TSEN34: variants seen among roughly 807,000 people sequenced by gnomAD.
TSEN34 encodes the protein tRNA-splicing endonuclease subunit Sen34.
Under a neutral mutation model 30.2 loss-of-function variants are expected in TSEN34, and 25 were observed. The ratio of observed to expected loss-of-function variants is 0.83; its 90% CI spans 0.60 to 1.16. TSEN34 has a LOEUF of 1.16. TSEN34 is among the 50% of genes most tolerant of loss of function. The pLI is 0.00. For missense variants in TSEN34, 475 were observed against 411.9 expected (o/e 1.15, Z -1.33); for synonymous variants, 209 against 177.4 (o/e 1.18, Z -1.41).
Position 54,192,285 on chromosome 19 carries a change from G to A in TSEN34, c.657G>A (p.Leu219=). The A allele has an allele frequency of 6.2e-7, 1 of 1,614,142 alleles. No individual in the cohort carries two copies. The highest frequency in any genetic ancestry group is 1.3e-5 in the African/African-American group (1 of 75,040). The part of the protein sequence containing the change: ...WPHAGRPAHE[L]RYSIYRDLWE... The stretch of plus-strand genomic sequence containing the variant: ...ACGCCGGCCGCCCTGCCCACGAGCT[G>A]CGCTACAGTATCTACAGAGACCTGT... The change falls in exon 3 of 4, where the codon CTG becomes CTA. Residue 219 remains leucine, a synonymous_variant. Coordinates refer to ENST00000396388, the MANE Select transcript of TSEN34 (RefSeq NM_001077446.4).
rs549639546 is a variant in TSEN34, at chr19:54,194,465, CAT to C, written c.*1104_*1105del. ...ATTTGCACTTATGAAATCATTTACC[CAT>C]GTTTTTGCTTAAGAAAGTACTAGAA... is the stretch of plus-strand genomic sequence containing the variant. On this transcript the variant is annotated 3_prime_UTR_variant, in exon 4 of 4. Transcript: ENST00000396388. 2.8e-4 allele frequency: 42 copies of C among 152,214 alleles called. No homozygotes were observed. The highest frequency in any genetic ancestry group is 1.0e-3 in the African/African-American group (42 of 41,512). The allele number at this position is 152,214 out of a possible 1,614,324, so 9.4% of individuals were successfully genotyped here. A position where few individuals can be genotyped will look rare whatever the true frequency, so the allele number is the denominator to read the frequency against.
chr19:54,190,659 C>T (rs1383913126), upstream of TSEN34: 2 of 1,251,396 alleles, frequency 1.6e-6, no homozygotes, highest in Admixed American at 4.1e-5. Context: ...ACGGATTCGG[C>T]CGAGCCGAGA....
In TSEN34 at chr19:54,193,318, G is replaced by A. The variant is rs1452664520; in HGVS notation, c.889G>A (p.Gly297Ser). 1 of 1,614,040 alleles carries A rather than the reference G, an allele frequency of 6.2e-7. No homozygotes were observed. The highest frequency in any genetic ancestry group is 8.5e-7 in the Non-Finnish European group (1 of 1,180,044). The stretch of plus-strand genomic sequence containing the variant: ...GCTCCTCTGTTCTCCGCAGCCTGAT[G>A]GTAAGGTGGTCTACACCTCCCTGCA... ...TLLLCSPQPDGKVVYTSLQWA... is the reference protein window; with the variant it reads ...TLLLCSPQPDSKVVYTSLQWA... The change falls in exon 4 of 4, where the codon GGT becomes AGT. Residue 297 changes from glycine to serine, a missense_variant. Transcript: ENST00000396388.
upstream of TSEN34, chr19:54,190,529 G>A (rs144687839): frequency 2.9e-3 from 3,824 of 1,302,448 alleles, 28 homozygotes; most frequent in South Asian, 0.013. Flanking sequence ...GTCGTAGGGC[G>A]GGAACTCCCC....
Position 54,193,744 on chromosome 19 carries a change from A to AG in TSEN34, c.*384dup, listed in dbSNP as rs1408498303. The AG allele has an allele frequency of 1.1e-4, 80 of 713,780 alleles. No individual in the cohort carries two copies. The highest frequency in any genetic ancestry group is 9.1e-4 in the East Asian group (34 of 37,230). 44.2% of individuals were successfully genotyped at this position (713,780 alleles called of 1,614,324 possible). On this transcript the variant is annotated 3_prime_UTR_variant, in exon 4 of 4. Transcript: ENST00000396388. The stretch of plus-strand genomic sequence containing the variant: ...ATGTACAGGTGAGAAAAAGGCCTGG[A>AG]GGAGGGGGACTGACTTGCCCAAAGT...
chr19:54,190,523 T>C, upstream of TSEN34: 1 of 1,311,848 alleles, frequency 7.6e-7, no homozygotes, highest in South Asian at 1.9e-5. Context: ...GGTTCGGTCG[T>C]AGGGCGGGAA....
At chr19:54,191,276 C>A (rs940389075), upstream of TSEN34, 2 of 1,529,912 alleles carry the variant, frequency 1.3e-6, no homozygotes, top group Non-Finnish European at 1.8e-6. Flanking sequence ...GGGGCTTCGC[C>A]GAGACCCCGG....
rs1298385148 is a variant in TSEN34, at chr19:54,191,317, C to T, written c.-48C>T. On this transcript the variant is annotated 5_prime_UTR_variant, in exon 1 of 4. Coordinates refer to ENST00000396388, the MANE Select transcript of TSEN34 (RefSeq NM_001077446.4). ...TTGGGTGCGCTGCAGCGGTCCGCGGCGCGCAGCTGTTTCGGTAACTGCTTT... is the reference window on the plus strand; with the variant it reads ...TTGGGTGCGCTGCAGCGGTCCGCGGTGCGCAGCTGTTTCGGTAACTGCTTT... 1 of 1,547,378 alleles carries T rather than the reference C, an allele frequency of 6.5e-7. No homozygotes were observed. The highest frequency in any genetic ancestry group is 8.7e-7 in the Non-Finnish European group (1 of 1,146,078).
At position 54,191,518 on chromosome 19, in the gene TSEN34, C is replaced by A; in HGVS notation, c.154C>A (p.Leu52Met). ...QNSRLGLPLL[L>M]MPEEARLLAE... The stretch of plus-strand genomic sequence containing the variant: ...CTCGCGCCTGGGCCTCCCGCTGCTG[C>A]TGATGCCCGAAGAGGCGCGGCTCTT... Residue 52 changes from leucine to methionine, a missense_variant, in exon 1 of 4, where the codon CTG (leucine) becomes ATG (methionine). Physicochemically the swap from Leu to Met is conservative, Grantham distance 15. Transcript: ENST00000396388. 6.3e-7 allele frequency: 1 copy of A among 1,594,986 alleles called. No individual in the cohort carries two copies. Among genetic ancestry groups the A allele is most frequent in the Non-Finnish European group, 8.5e-7 (1 of 1,175,734 alleles).
At chr19:54,191,029 G>A, upstream of TSEN34, 1 of 1,187,904 alleles carries the variant, frequency 8.4e-7, no homozygotes, top group South Asian at 2.7e-5. Flanking sequence ...CACGCTCCAA[G>A]GCGCAATGGT....
At chr19:54,190,246 C>T, upstream of TSEN34, 2 of 994,782 alleles carry the variant, frequency 2.0e-6, no homozygotes, top group Non-Finnish European at 1.5e-6. Flanking sequence ...ACCTGACTTC[C>T]CGCGGCGCTG....
upstream of TSEN34, chr19:54,191,000 C>G: frequency 3.6e-6 from 4 of 1,116,066 alleles, no homozygotes; most frequent in South Asian, 6.4e-5. Context: ...TGTCGCCGCG[C>G]TTGCGGAGGT....
upstream of TSEN34, chr19:54,190,874 G>GT: frequency 1.9e-6 from 2 of 1,047,760 alleles, no homozygotes; most frequent in Non-Finnish European, 1.1e-6. Flanking sequence ...CCGGAAGAGG[G>GT]TGTGGCCTCG....
chr19:54,193,124 T>A (rs1203016861), intron 3 of TSEN34, 51 bp from the exon 4 acceptor site: 2 of 1,610,870 alleles, frequency 1.2e-6, no homozygotes, highest in East Asian at 2.2e-5. Context: ...TCCCGTGGCG[T>A]CCAGCCGTCT....
rs749475473 is a variant in TSEN34, at chr19:54,191,617, C to T, written c.243+10C>T. The T allele has an allele frequency of 1.9e-6, 3 of 1,604,346 alleles. No homozygotes were observed. The highest frequency in any genetic ancestry group is 2.7e-5 in the African/African-American group (2 of 74,892). On this transcript the variant is annotated intron_variant, in intron 1 of 3. Coordinates refer to ENST00000396388, the MANE Select transcript of TSEN34 (RefSeq NM_001077446.4). The stretch of plus-strand genomic sequence containing the variant: ...TCGGCACCACAGCCTGGTAAGGGGG[C>T]GGGGCTCGAACTCGGGTTCGGTGGG...
Position 54,193,670 on chromosome 19 carries a change from G to A in TSEN34, c.*308G>A. ...ATAAACTTGGTATATAAATGTTCAT[G>A]ATTTGAATGTTTGCGACAGTCCTGG... On this transcript the variant is annotated 3_prime_UTR_variant, in exon 4 of 4. Transcript: ENST00000396388. The A allele has an allele frequency of 1.1e-6, 1 of 908,834 alleles. No individual in the cohort carries two copies. The highest frequency in any genetic ancestry group is 1.7e-6 in the Non-Finnish European group (1 of 574,052). 56.3% of individuals were successfully genotyped at this position (908,834 alleles called of 1,614,324 possible).
upstream of TSEN34, chr19:54,190,434 G>A: frequency 2.1e-6 from 3 of 1,443,588 alleles, no homozygotes; most frequent in Non-Finnish European, 2.7e-6. Flanking sequence ...GAGGCGGACT[G>A]AGCGCTCCCA....
chr19:54,190,542 C>G (rs373840954), upstream of TSEN34: 519 of 1,252,238 alleles, frequency 4.1e-4, 3 homozygotes, highest in East Asian at 0.012. Context: ...AACTCCCCAA[C>G]TGGGGTGCGC....
Position 54,193,297 on chromosome 19 carries a change from C to G in TSEN34, c.868C>G (p.Leu290Val). ...AACCAGCGTCAGAAAGACCCTGCTC[C>G]TCTGTTCTCCGCAGCCTGATGGTAA... Reference protein sequence around the residue: ...LGTSVRKTLLLCSPQPDGKVV... With the variant: ...LGTSVRKTLLVCSPQPDGKVV... The change falls in exon 4 of 4, where the codon CTC (leucine) becomes GTC (valine). Residue 290 changes from leucine (L) to valine (V), a missense_variant. Physicochemically the swap from Leu to Val is conservative, Grantham distance 32 (BLOSUM62 1). Transcript: ENST00000396388. 6.2e-7 allele frequency: 1 copy of G among 1,614,150 alleles called. No individual in the cohort carries two copies. The highest frequency in any genetic ancestry group is 8.5e-7 in the Non-Finnish European group (1 of 1,180,028).
Sources: allele counts gnomAD v4.1 joint callset, GRCh38; gene constraint gnomAD v4.1.1; transcripts MANE v1.5; gene names NCBI Gene and HGNC (gene_info 2026-07-23, HGNC 2026-07-21).